The following WBP1L variants were observed in gnomAD, a reference collection of about 807,000 sequenced individuals.
The protein encoded by WBP1L is WW domain binding protein 1-like.
In WBP1L, 17 loss-of-function variants were observed where a neutral mutation model predicts 33.7. The ratio of observed to expected loss-of-function variants is 0.50; its 90% CI spans 0.34 to 0.76. The LOEUF (loss-of-function observed/expected upper bound fraction) is 0.76, where lower values mean the gene tolerates loss of function less well. WBP1L is among the 30% of genes least tolerant of loss of function. WBP1L has a pLI of 0.01. For synonymous variants in WBP1L, 173 were observed against 190.8 expected, an observed-to-expected ratio of 0.91 and a Z score of 0.77; for missense variants, 389 against 469.4, an observed-to-expected ratio of 0.83 and a Z score of 1.58.
At chr10:102,765,379 T>C (rs1308690217) in intron 1 of WBP1L, among the ~76,000 whole-genome samples, 1 of 152,180 alleles carries the variant, frequency 6.6e-6, no homozygotes, top group African/African-American at 2.4e-5. Flanking sequence ...ACTACAGTCA[T>C]GTGCCATCAC....
At chr10:102,794,763 G>C (rs1226189237) in intron 1 of WBP1L, among the ~76,000 whole-genome samples, 2 of 152,066 alleles carry the variant, frequency 1.3e-5, no homozygotes, top group African/African-American at 4.8e-5. Context: ...AAAAAAGTAG[G>C]GGGGTGCGAG....
chr10:102,793,561 T>C (rs960750798), intron 1 of WBP1L, among the ~76,000 whole-genome samples: 1 of 152,244 alleles, frequency 6.6e-6, no homozygotes, highest in African/African-American at 2.4e-5. Context: ...TCTTCATGTG[T>C]CTGGAGCAGC....
chr10:102,788,903 C>G (rs1431477328), intron 1 of WBP1L, among the ~76,000 whole-genome samples: 1 of 152,148 alleles, frequency 6.6e-6, no homozygotes, highest in African/African-American at 2.4e-5. Flanking sequence ...AGGGACTAGC[C>G]AAAGCCAACA....
At chr10:102,776,501 A>G in intron 1 of WBP1L, 1 of 1,579,950 alleles carries the variant, frequency 6.3e-7, no homozygotes, top group South Asian at 1.1e-5. Flanking sequence ...GGTGGAGGGA[A>G]TATTTTAGCA....
chr10:102,747,520 G>T (rs1047771161), intron 1 of WBP1L, among the ~76,000 whole-genome samples: 5 of 152,030 alleles, frequency 3.3e-5, no homozygotes, highest in Non-Finnish European at 7.4e-5. Flanking sequence ...TTTTGTTGTT[G>T]TTGTTTTTGT....
intron 2 of WBP1L, among the ~76,000 whole-genome samples, chr10:102,807,383 A>G (rs1021897709): frequency 6.6e-5 from 10 of 151,848 alleles, no homozygotes; most frequent in Admixed American, 2.6e-4. Context: ...CTGTCCATAT[A>G]TACTTTTTTT....
At chr10:102,784,549 C>T (rs1195372032) in intron 1 of WBP1L, among the ~76,000 whole-genome samples, 1 of 151,634 alleles carries the variant, frequency 6.6e-6, no homozygotes, top group Non-Finnish European at 1.5e-5. Context: ...CCCCAGCCTC[C>T]CAAGTAGCTG....
At position 102,810,008 on chromosome 10, in the gene WBP1L, C is replaced by T. The variant is rs376943384; in HGVS notation, c.309C>T (p.Ile103=). ...AQQRQHEINL[I]AYREAHNYSA... is the part of the protein sequence containing the mutation. Reference sequence around the variant, plus strand: ...AGCGGCAACATGAAATCAACCTGATCGCTTACCGAGAAGCCCACAATTACT... The same window carrying T: ...AGCGGCAACATGAAATCAACCTGATTGCTTACCGAGAAGCCCACAATTACT... The change falls in exon 3 of 4, where the codon ATC becomes ATT. Residue 103 remains isoleucine (I), a synonymous_variant. Coordinates refer to ENST00000448841, the MANE Select transcript of WBP1L (RefSeq NM_001083913.2). 1.1e-5 allele frequency: 17 copies of T among 1,613,808 alleles called. No individual in the cohort carries two copies. Among genetic ancestry groups the T allele is most frequent in the African/African-American group, 2.7e-5 (2 of 74,926 alleles).
intron 3 of WBP1L, among the ~76,000 whole-genome samples, chr10:102,811,549 C>T (rs1421469174): frequency 6.6e-6 from 1 of 152,188 alleles, no homozygotes; most frequent in Non-Finnish European, 1.5e-5. Flanking sequence ...CTCGCTCTGT[C>T]ACCCAGGCTT....
At chr10:102,746,835 CT>C (rs1003229044) in intron 1 of WBP1L, among the ~76,000 whole-genome samples, 4 of 151,992 alleles carry the variant, frequency 2.6e-5, no homozygotes, top group Non-Finnish European at 4.4e-5. Context: ...ACAATACAAT[CT>C]TTTTTTTACA....
intron 1 of WBP1L, among the ~76,000 whole-genome samples, chr10:102,751,578 G>A (rs1842924813): frequency 6.6e-6 from 1 of 152,128 alleles, no homozygotes; most frequent in Non-Finnish European, 1.5e-5. Context: ...AAAGTGTTGG[G>A]ATTACAGGTG....
At chr10:102,764,594 T>C (rs978483904) in intron 1 of WBP1L, among the ~76,000 whole-genome samples, 2 of 152,180 alleles carry the variant, frequency 1.3e-5, no homozygotes, top group Admixed American at 1.3e-4. Context: ...CTCTCTGGTT[T>C]CACCACCTTT....
At position 102,812,775 on chromosome 10, in the gene WBP1L, G is replaced by A. The variant is rs1287763334; in HGVS notation, c.536G>A (p.Ser179Asn). ...ACCAGGGGATCCCAGGGGGCACAGA[G>A]CAGCCCCTTGTCTGAGCCCAGCAGA... Reference protein sequence around the residue: ...DPTRGSQGAQSSPLSEPSRSS... With the variant: ...DPTRGSQGAQNSPLSEPSRSS... The change falls in exon 4 of 4, where the codon AGC (serine) becomes AAC (asparagine). Residue 179 changes from serine (S) to asparagine (N), a missense_variant. Coordinates refer to ENST00000448841, the MANE Select transcript of WBP1L (RefSeq NM_001083913.2). 6.2e-7 allele frequency: 1 copy of A among 1,611,686 alleles called. No homozygotes were observed. Among genetic ancestry groups the A allele is most frequent in the East Asian group, 2.2e-5 (1 of 44,844 alleles).
At chr10:102,776,514 T>C in intron 1 of WBP1L, 2 of 1,523,146 alleles carry the variant, frequency 1.3e-6, no homozygotes, top group Non-Finnish European at 1.8e-6. Flanking sequence ...TTTTAGCAAA[T>C]GCCTCTCAGT....
At chr10:102,807,138 A>C (rs1843748728) in intron 2 of WBP1L, among the ~76,000 whole-genome samples, 1 of 152,228 alleles carries the variant, frequency 6.6e-6, no homozygotes, top group South Asian at 2.1e-4. Context: ...AATGGAAAAC[A>C]ATGGAAGTTT....
intron 1 of WBP1L, among the ~76,000 whole-genome samples, chr10:102,794,151 A>G (rs1843540542): frequency 6.6e-6 from 1 of 151,998 alleles, no homozygotes; most frequent in South Asian, 2.1e-4. Context: ...TGCAACAATT[A>G]GGCTCCTCAT....
At position 102,814,219 on chromosome 10, in the gene WBP1L, G is replaced by T. The variant is rs1420060591; in HGVS notation, c.*888G>T. The T allele has an allele frequency of 6.6e-6, 1 of 152,214 alleles. No individual in the cohort carries two copies. Among genetic ancestry groups the T allele is most frequent in the Non-Finnish European group, 1.5e-5 (1 of 68,042 alleles). 9.4% of individuals were successfully genotyped at this position (152,214 alleles called of 1,614,324 possible). On this transcript the variant is annotated 3_prime_UTR_variant, in exon 4 of 4. Coordinates refer to ENST00000448841, the MANE Select transcript of WBP1L (RefSeq NM_001083913.2). The stretch of plus-strand genomic sequence containing the variant: ...TGTCTCGTGTGAAGGCTGGGGTGGC[G>T]GCTGTCTTGGAACCTCTGTGAGCAG...
In WBP1L at chr10:102,813,500, C is replaced by T; in HGVS notation, c.*169C>T. On this transcript the variant is annotated 3_prime_UTR_variant, in exon 4 of 4. Coordinates refer to ENST00000448841, the MANE Select transcript of WBP1L (RefSeq NM_001083913.2). ...TTTTCCTCCATCTCCAGGTACAGTT[C>T]GGGGTGTGGATGCCTCTTCCTCCAC... The T allele has an allele frequency of 1.5e-5, 15 of 976,032 alleles. No homozygotes were observed. Among genetic ancestry groups the T allele is most frequent in the East Asian group, 2.6e-5 (1 of 37,764 alleles). 60.5% of individuals were successfully genotyped at this position (976,032 alleles called of 1,614,324 possible). A position where few individuals can be genotyped will look rare whatever the true frequency, so the allele number is the denominator to read the frequency against.
intron 1 of WBP1L, among the ~76,000 whole-genome samples, chr10:102,761,848 C>T (rs774260234): frequency 1.4e-4 from 21 of 151,080 alleles, no homozygotes; most frequent in Non-Finnish European, 2.1e-4. Flanking sequence ...TGTGCCAGGC[C>T]TTTAATGTTT....
Sources: gnomAD v4.1 joint callset for allele counts (sites outside exome capture counted in the v4.1 genomes callset) on GRCh38, gnomAD v4.1.1 for gene constraint, MANE v1.5 for transcripts, NCBI Gene and HGNC (gene_info 2026-07-23, HGNC 2026-07-21) for gene names.